Variants in SLC1A1 observed in about 807,000 individuals in gnomAD.
SLC1A1 encodes excitatory amino acid transporter 3.
SLC1A1 carries 43 observed loss-of-function variants against 53.3 expected under a neutral mutation model. That is an observed-to-expected ratio of 0.81 (90% CI 0.63 to 1.04). SLC1A1 has a LOEUF of 1.04. Among genes scored for constraint, SLC1A1 ranks in the 50% least tolerant of loss-of-function variants. SLC1A1 has a pLI of 0.00. For missense variants in SLC1A1, 748 were observed against 664.9 expected (o/e 1.12, Z -1.37); for synonymous variants, 307 against 243.2 (o/e 1.26, Z -2.44).
intron 2 of SLC1A1, among the ~76,000 whole-genome samples, chr9:4,557,286 A>C (rs528419398): frequency 1.5e-4 from 23 of 152,372 alleles, no homozygotes; most frequent in African/African-American, 4.6e-4. Flanking sequence ...ACTACGTGCC[A>C]GGAGATTTGC....
chr9:4,569,252 T>C (rs1364237403), intron 6 of SLC1A1, among the ~76,000 whole-genome samples: 1 of 152,208 alleles, frequency 6.6e-6, no homozygotes, highest in Non-Finnish European at 1.5e-5. Context: ...TCTCAGACTT[T>C]AGAAAGGCCA....
intron 1 of SLC1A1, among the ~76,000 whole-genome samples, chr9:4,513,969 A>C (rs140443216): frequency 2.6e-5 from 4 of 152,372 alleles, no homozygotes; most frequent in Admixed American, 6.5e-5. Flanking sequence ...TTCCATCTGC[A>C]TGATAGCCTC....
chr9:4,558,864 GGCTACA>G (rs1400306096), intron 2 of SLC1A1, among the ~76,000 whole-genome samples: 1 of 151,990 alleles, frequency 6.6e-6, no homozygotes, highest in Non-Finnish European at 1.5e-5. Flanking sequence ...CCCATATTAG[GGCTACA>G]GATGAGTTAC....
At chr9:4,564,208 C>A in intron 3 of SLC1A1, 136 bp from the exon 4 acceptor site, 1 of 695,540 alleles carries the variant, frequency 1.4e-6, no homozygotes, top group Non-Finnish European at 2.7e-6. Flanking sequence ...GGAGGCTCAG[C>A]ATTTTGGCTG....
Position 4,563,145 on chromosome 9 carries a change from AG to A in SLC1A1, c.326-1198del, listed in dbSNP as rs778677781. On this transcript the variant is annotated intron_variant, in intron 3 of 11. Coordinates refer to ENST00000262352, the MANE Select transcript of SLC1A1 (RefSeq NM_004170.6). The stretch of plus-strand genomic sequence containing the variant: ...ATAAAAGAAAAAAAAAGAGAGAGAG[AG>A]AAAAAAAAAAAAGAAGAATGCCCAG... Among the ~76,000 whole-genome samples, 29 of 145,096 alleles carry A rather than the reference AG, an allele frequency of 2.0e-4. 1 individual carries two copies. The highest frequency in any genetic ancestry group is 4.3e-4 in the South Asian group (2 of 4,628).
chr9:4,568,544 G>C (rs1409415827), intron 6 of SLC1A1, among the ~76,000 whole-genome samples: 1 of 151,808 alleles, frequency 6.6e-6, no homozygotes, highest in East Asian at 1.9e-4. Context: ...AATATAGTGA[G>C]ACCCCATATG....
rs1307029008 is a variant in SLC1A1 at position 4,564,345 on chromosome 9, T to C, written c.327T>C (p.Gly109=). The change falls in exon 4 of 12, where the codon GGT becomes GGC. Residue 109 remains glycine, a splice_region_variant and synonymous_variant. Transcript: ENST00000262352. ...FCTTLIAVIL[G]IVLVVSIKPG... ...TGTGGACGCTGTTCTTGGCCACAGGTATTGTGCTGGTGGTGAGCATCAAGC... is the reference window on the plus strand; with the variant it reads ...TGTGGACGCTGTTCTTGGCCACAGGCATTGTGCTGGTGGTGAGCATCAAGC... 7 of 1,609,860 alleles carry C rather than the reference T, an allele frequency of 4.3e-6. No individual in the cohort carries two copies. Among genetic ancestry groups the C allele is most frequent in the Non-Finnish European group, 5.9e-6 (7 of 1,177,064 alleles).
At chr9:4,569,886 G>A (rs959911942) in intron 6 of SLC1A1, among the ~76,000 whole-genome samples, 2 of 152,206 alleles carry the variant, frequency 1.3e-5, no homozygotes, top group Admixed American at 1.3e-4. Flanking sequence ...TTATAATGGT[G>A]AAAAGACAGA....
chr9:4,546,319 C>A (rs10758631), intron 2 of SLC1A1, among the ~76,000 whole-genome samples: 67,812 of 151,962 alleles, frequency 0.45, 15,417 homozygotes, highest in African/African-American at 0.49. Flanking sequence ...TTGACACAGC[C>A]GCAGACCAAT....
intron 1 of SLC1A1, among the ~76,000 whole-genome samples, chr9:4,521,647 G>A (rs1041909603): frequency 2.6e-5 from 4 of 152,182 alleles, no homozygotes; most frequent in Non-Finnish European, 5.9e-5. Flanking sequence ...GTTTGAGACG[G>A]TATGGTAAGA....
rs1423949414 is a variant in SLC1A1, at chr9:4,583,882, T to TCTCACACACACA, written c.1328+711_1328+712insTCACACACACAC. ...CTCTCTCTCTCTCTCTCTCTCTCTC[T>TCTCACACACACA]CACACACACACACACACACACACAC... On this transcript the variant is annotated intron_variant, in intron 11 of 11. Transcript: ENST00000262352. The surrounding 1 kb of genome is among the most constrained non-coding windows in gnomAD (Gnocchi z 4.6). Among the ~76,000 whole-genome samples, 16 of 137,042 alleles carry TCTCACACACACA rather than the reference T, an allele frequency of 1.2e-4. No individual in the cohort carries two copies. The highest frequency in any genetic ancestry group is 4.5e-4 in the African/African-American group (16 of 35,354). The allele number at this position is 137,042 out of a possible 152,430, so 89.9% of individuals were successfully genotyped here.
intron 1 of SLC1A1, among the ~76,000 whole-genome samples, chr9:4,522,297 C>T (rs765048508): frequency 2.0e-4 from 31 of 152,004 alleles, no homozygotes; most frequent in Non-Finnish European, 3.8e-4. Context: ...GTGATCTGCC[C>T]GCCTCAGCCT....
chr9:4,552,529 C>T (rs543581560), intron 2 of SLC1A1, among the ~76,000 whole-genome samples: 3 of 152,206 alleles, frequency 2.0e-5, no homozygotes, highest in African/African-American at 7.2e-5. Context: ...TTACTGGCCT[C>T]GTGTGCCTTG....
chr9:4,495,050 G>C (rs2130789836), intron 1 of SLC1A1, among the ~76,000 whole-genome samples: 1 of 152,304 alleles, frequency 6.6e-6, no homozygotes, highest in Admixed American at 6.5e-5. Flanking sequence ...TCTAAAATCA[G>C]AAACAGCTCC....
chr9:4,543,024 G>A (rs1176587973), intron 1 of SLC1A1, among the ~76,000 whole-genome samples: 1 of 152,114 alleles, frequency 6.6e-6, no homozygotes. Context: ...TCAAGGCAAA[G>A]GTAGAATAGG....
chr9:4,536,311 T>C (rs1028027027), intron 1 of SLC1A1, among the ~76,000 whole-genome samples: 13 of 151,580 alleles, frequency 8.6e-5, no homozygotes, highest in African/African-American at 3.2e-4. Context: ...AAAGGGCTAA[T>C]ACCCAGAATA....
chr9:4,544,873 G>C (rs967669746), intron 2 of SLC1A1, among the ~76,000 whole-genome samples, 166 bp downstream of exon 2: 13 of 152,206 alleles, frequency 8.5e-5, no homozygotes, highest in African/African-American at 2.9e-4. Context: ...AGGCAAAGGG[G>C]AAGCAAGACA....
At chr9:4,531,753 G>C (rs1469869257) in intron 1 of SLC1A1, among the ~76,000 whole-genome samples, 1 of 152,164 alleles carries the variant, frequency 6.6e-6, no homozygotes, top group Non-Finnish European at 1.5e-5. Context: ...CAGGCAGACA[G>C]CCTCCTCAAG....
intron 1 of SLC1A1, among the ~76,000 whole-genome samples, chr9:4,497,124 A>AC (rs998239595): frequency 4.3e-5 from 1 of 23,214 alleles, no homozygotes; most frequent in Non-Finnish European, 2.2e-4. Flanking sequence ...GGGTGGTTTT[A>AC]AAAAACAGAA....
Sources: allele counts gnomAD v4.1 joint callset (sites outside exome capture counted in the v4.1 genomes callset), GRCh38; gene constraint gnomAD v4.1.1; non-coding constraint Gnocchi (gnomAD v3.1); transcripts MANE v1.5; gene names NCBI Gene and HGNC (gene_info 2026-07-23, HGNC 2026-07-21).